RBPJ: variants seen among roughly 807,000 people sequenced by gnomAD.
RBPJ encodes recombination signal binding protein for immunoglobulin kappa J region.
A neutral mutation model predicts 67.8 loss-of-function variants in RBPJ; 9 were observed. The ratio of observed to expected loss-of-function variants is 0.13; its 90% CI spans 0.08 to 0.23. The LOEUF (loss-of-function observed/expected upper bound fraction) is 0.23. RBPJ is among the 10% of genes least tolerant of loss of function. The pLI is 1.00. For synonymous variants in RBPJ, 198 were observed against 203.3 expected, an observed-to-expected ratio of 0.97 and a Z score of 0.22; for missense variants, 305 against 595.6, an observed-to-expected ratio of 0.51 and a Z score of 5.08.
At chr4:26,414,432 G>T (rs1411486471) in intron 3 of RBPJ, among the ~76,000 whole-genome samples, 1 of 152,174 alleles carries the variant, frequency 6.6e-6, no homozygotes, top group South Asian at 2.1e-4. Context: ...GCCTCCCAAA[G>T]TGTTAGGATT....
intron 1 of RBPJ, among the ~76,000 whole-genome samples, chr4:26,259,127 C>CA (rs969348436): frequency 7.3e-5 from 11 of 151,396 alleles, no homozygotes; most frequent in African/African-American, 2.4e-4. Flanking sequence ...GATTAGGAAA[C>CA]AAAAAAAAGT....
intron 2 of RBPJ, among the ~76,000 whole-genome samples, chr4:26,393,051 T>C (rs1030141843): frequency 6.6e-6 from 1 of 152,190 alleles, no homozygotes; most frequent in African/African-American, 2.4e-5. Context: ...TTCACCGTGT[T>C]GGCCAGGCTG....
intron 1 of RBPJ, among the ~76,000 whole-genome samples, chr4:26,192,130 T>C (rs1717580902): frequency 6.6e-6 from 1 of 151,714 alleles, no homozygotes; most frequent in Non-Finnish European, 1.5e-5. Context: ...TACCTCAGCC[T>C]CCCAAGTAGC....
intron 3 of RBPJ, among the ~76,000 whole-genome samples, chr4:26,409,205 A>G (rs1733774597): frequency 6.6e-6 from 1 of 152,224 alleles, no homozygotes; most frequent in South Asian, 2.1e-4. Context: ...GTTGGAGATA[A>G]CAAAAGGGGA....
chr4:26,184,865 G>C (rs959787677), intron 1 of RBPJ, among the ~76,000 whole-genome samples: 4 of 152,156 alleles, frequency 2.6e-5, no homozygotes, highest in South Asian at 2.1e-4. Context: ...TGTTGGGCCG[G>C]GTGCGGTGGC....
At chr4:26,154,256 G>A in the RBPJ span, among the ~76,000 whole-genome samples, 1 of 152,138 alleles carries the variant, frequency 6.6e-6, no homozygotes, top group African/African-American at 2.4e-5. Flanking sequence ...ACCAGATTTG[G>A]GACTTCGGGC....
chr4:26,159,707 C>A (rs939734878), upstream of RBPJ, among the ~76,000 whole-genome samples: 1 of 152,114 alleles, frequency 6.6e-6, no homozygotes, highest in Non-Finnish European at 1.5e-5. Context: ...TACCTTGGGC[C>A]ACTATAACAA....
chr4:26,423,311 A>T (rs1282360488), intron 5 of RBPJ, among the ~76,000 whole-genome samples: 2 of 152,238 alleles, frequency 1.3e-5, no homozygotes, highest in Non-Finnish European at 2.9e-5. Flanking sequence ...CTGACTTAGG[A>T]TTCCTGCTAA....
chr4:26,134,072 C>T, the RBPJ span, among the ~76,000 whole-genome samples: 1 of 149,688 alleles, frequency 6.7e-6, no homozygotes, highest in African/African-American at 2.5e-5. Context: ...GTGAGGGTTC[C>T]TGGAAGAGGT....
At position 26,226,613 on chromosome 4, in the gene RBPJ, T is replaced by C. The variant is rs1719085025; in HGVS notation, c.-167+62999T>C. The stretch of plus-strand genomic sequence containing the variant: ...GCTTTGTGATGATCATCTACTCAAG[T>C]TGGGTTACACGGAATGTAATCTGAT... On this transcript the variant is annotated intron_variant, in intron 1 of 4. Transcript: ENST00000512351. Among the ~76,000 whole-genome samples, 3 of 152,334 alleles carry C rather than the reference T, an allele frequency of 2.0e-5. No individual in the cohort carries two copies. The South Asian group carries it at 6.2e-4, about 32-fold the overall frequency.
At chr4:26,415,679 TG>T in intron 4 of RBPJ, 39 bp downstream of exon 4, 1 of 1,546,858 alleles carries the variant, frequency 6.5e-7, no homozygotes, top group Non-Finnish European at 8.7e-7. Flanking sequence ...AGGGGCACCA[TG>T]GTACCAGAAT....
chr4:26,420,994 G>A (rs28714166), intron 5 of RBPJ, among the ~76,000 whole-genome samples: 97 of 152,236 alleles, frequency 6.4e-4, no homozygotes, highest in Non-Finnish European at 1.1e-3. Flanking sequence ...GTGACTGGAG[G>A]GGGTGATGTT....
upstream of RBPJ, among the ~76,000 whole-genome samples, chr4:26,315,170 AT>A (rs1194683178): frequency 0.014 from 1,234 of 87,578 alleles, 20 homozygotes; most frequent in South Asian, 0.026. Flanking sequence ...AAAAAAAAAT[AT>A]ATATATATAT....
At chr4:26,243,006 C>T (rs1719700741) in intron 1 of RBPJ, among the ~76,000 whole-genome samples, 1 of 152,146 alleles carries the variant, frequency 6.6e-6, no homozygotes, top group Middle Eastern at 3.4e-3. Context: ...GTGGGTGGAT[C>T]GCCTAAGGTT....
intron 1 of RBPJ, among the ~76,000 whole-genome samples, chr4:26,178,905 G>C (rs1437456930): frequency 6.6e-6 from 1 of 152,164 alleles, no homozygotes; most frequent in Non-Finnish European, 1.5e-5. Context: ...AAACAAATAA[G>C]TTATATAAGC....
chr4:26,109,642 GTC>G, the RBPJ span, among the ~76,000 whole-genome samples: 1,647 of 7,000 alleles, frequency 0.24, 289 homozygotes, highest in East Asian at 0.39. Context: ...CTCTCTCTCT[GTC>G]TCTCTCTCTC....
chr4:26,319,779 C>T (rs1279755235), upstream of RBPJ: 27 of 1,204,880 alleles, frequency 2.2e-5, no homozygotes, highest in Middle Eastern at 1.9e-4. Context: ...AGGTTTCGGG[C>T]GGCGAATTCC....
At chr4:26,220,802 C>G (rs967840853) in intron 1 of RBPJ, among the ~76,000 whole-genome samples, 1 of 152,220 alleles carries the variant, frequency 6.6e-6, no homozygotes, top group African/African-American at 2.4e-5. Context: ...GATGACCCAC[C>G]CAGGGCTAAG....
chr4:26,106,745 C>G, the RBPJ span, among the ~76,000 whole-genome samples: 2 of 152,276 alleles, frequency 1.3e-5, no homozygotes, highest in Middle Eastern at 3.4e-3. Flanking sequence ...TCCCTTTCTC[C>G]TTTAAACTGG....
Sources: gnomAD v4.1 joint callset for allele counts (sites outside exome capture counted in the v4.1 genomes callset) on GRCh38, gnomAD v4.1.1 for gene constraint, MANE v1.5 for transcripts, NCBI Gene and HGNC (gene_info 2026-07-23, HGNC 2026-07-21) for gene names.